Variants in TRAK2 observed in about 807,000 individuals in gnomAD.
TRAK2 encodes the protein trafficking kinesin-binding protein 2.
Under a neutral mutation model 104.6 loss-of-function variants are expected in TRAK2, and 81 were observed. The ratio of observed to expected loss-of-function variants is 0.77; its 90% CI spans 0.65 to 0.93. TRAK2 has a LOEUF of 0.93. TRAK2 is among the 40% of genes least tolerant of loss of function. The pLI is 0.00. For missense variants in TRAK2, 1,002 were observed against 1,089.0 expected, an observed-to-expected ratio of 0.92 and a Z score of 1.12; for synonymous variants, 406 against 394.4, an observed-to-expected ratio of 1.03 and a Z score of -0.35.
rs754014206 is a variant in TRAK2 at position 201,381,166 on chromosome 2, T to C, written c.2122A>G (p.Thr708Ala). 37 of 1,613,310 alleles carry C rather than the reference T, an allele frequency of 2.3e-5. No individual in the cohort carries two copies. Among genetic ancestry groups the C allele is most frequent in the Non-Finnish European group, 1.9e-5 (22 of 1,179,898 alleles). Residue 708 changes from threonine (T) to alanine (A), a missense_variant, in exon 16 of 16, where the codon ACG becomes GCG. Transcript: ENST00000332624. ...CGSSGSSSSN[T>A]AVNSPALSYR... is the part of the protein sequence containing the mutation. ...GACAAGGCAGGAGAATTCACAGCCGTGTTGGATGAACTGCTACCGCTACTT... is the reference window on the plus strand; with the variant it reads ...GACAAGGCAGGAGAATTCACAGCCGCGTTGGATGAACTGCTACCGCTACTT...
chr2:201,429,020 T>C (rs894844267), intron 1 of TRAK2, among the ~76,000 whole-genome samples: 2 of 152,226 alleles, frequency 1.3e-5, no homozygotes, highest in Non-Finnish European at 2.9e-5. Flanking sequence ...ATTGATTTTG[T>C]ATCCTGAGAC....
At chr2:201,385,177 T>A (rs1477237531) in intron 14 of TRAK2, among the ~76,000 whole-genome samples, 1 of 152,218 alleles carries the variant, frequency 6.6e-6, no homozygotes. Flanking sequence ...GATATTAATA[T>A]GATTTTAATA....
intron 1 of TRAK2, among the ~76,000 whole-genome samples, chr2:201,424,106 G>A (rs1320186368): frequency 6.6e-6 from 1 of 152,086 alleles, no homozygotes; most frequent in East Asian, 1.9e-4. Flanking sequence ...TCACTATAAA[G>A]GAAATAGAAT....
Position 201,381,107 on chromosome 2 carries a change from G to A in TRAK2, c.2181C>T (p.Asn727=). ...TGAAGGTTGTAGTGGAATCTCGTCG[G>A]TTGGTGATGGACTCACCAATGCTGA... ...YRLSIGESIT[N]RRDSTTTFSS... Residue 727 remains asparagine (N), a synonymous_variant, in exon 16 of 16, where the codon AAC becomes AAT. Transcript: ENST00000332624. The A allele has an allele frequency of 1.2e-6, 2 of 1,614,046 alleles. No homozygotes were observed. The highest frequency in any genetic ancestry group is 1.7e-6 in the Non-Finnish European group (2 of 1,179,982).
intron 14 of TRAK2, 96 bp from the exon 15 acceptor site, chr2:201,384,312 A>G: frequency 1.1e-6 from 1 of 914,768 alleles, no homozygotes; most frequent in African/African-American, 1.7e-5. Context: ...AGCATTTATC[A>G]AGTACCTTTT....
chr2:201,397,940 T>C, intron 6 of TRAK2: 1 of 576,154 alleles, frequency 1.7e-6, no homozygotes, highest in Non-Finnish European at 3.1e-6. Context: ...ACTTTCACTA[T>C]TGTACTGTCA....
intron 2 of TRAK2, among the ~76,000 whole-genome samples, chr2:201,410,301 G>A (rs1167078727): frequency 4.0e-5 from 6 of 149,326 alleles, no homozygotes; most frequent in African/African-American, 7.4e-5. Context: ...GCAAGACTCC[G>A]TCTCAAAAAA....
intron 9 of TRAK2, among the ~76,000 whole-genome samples, chr2:201,393,475 T>C (rs1436065716): frequency 6.6e-6 from 1 of 152,172 alleles, no homozygotes; most frequent in African/African-American, 2.4e-5. Context: ...GTCAGTGTGC[T>C]CAATCCTCCT....
At chr2:201,389,771 T>G (rs746976030) in intron 11 of TRAK2, 30 bp downstream of exon 11, 1 of 1,545,598 alleles carries the variant, frequency 6.5e-7, no homozygotes, top group South Asian at 1.2e-5. Context: ...TTCCAATGAT[T>G]GAGTAACAAC....
rs1365619943 is a variant in TRAK2 at position 201,378,370 on chromosome 2, A to G, written c.*2173T>C. The G allele has an allele frequency of 6.6e-6, 1 of 152,230 alleles. No individual in the cohort carries two copies. Among genetic ancestry groups the G allele is most frequent in the Non-Finnish European group, 1.5e-5 (1 of 68,038 alleles). 9.4% of individuals were successfully genotyped at this position (152,230 alleles called of 1,614,324 possible). A position where few individuals can be genotyped will look rare whatever the true frequency, so the allele number is the denominator to read the frequency against. ...AGATCTAGTTCAATTTATAGCTTTA[A>G]GTAATACACATAAATCGGACAATTT... On this transcript the variant is annotated 3_prime_UTR_variant, in exon 16 of 16. Coordinates refer to ENST00000332624, the MANE Select transcript of TRAK2 (RefSeq NM_015049.3).
intron 14 of TRAK2, among the ~76,000 whole-genome samples, chr2:201,384,804 T>C (rs1195160766): frequency 1.3e-5 from 2 of 152,198 alleles, no homozygotes; most frequent in Admixed American, 1.3e-4. Context: ...AAATTATCTA[T>C]TAAATTTTGG....
In TRAK2 at chr2:201,447,635, G is replaced by A. The variant is rs992994997; in HGVS notation, c.-200+3715C>T. Among the ~76,000 whole-genome samples the A allele has an allele frequency of 6.6e-6, 1 of 151,968 alleles. No homozygotes were observed. Among genetic ancestry groups the A allele is most frequent in the Non-Finnish European group, 1.5e-5 (1 of 67,998 alleles). ...TTGTGCTCAAATTTCCTTCTTATAA[G>A]GAAAACTGTCAGACTGGATTAGAAC... On this transcript the variant is annotated intron_variant, in intron 1 of 15. Coordinates refer to ENST00000332624, the MANE Select transcript of TRAK2 (RefSeq NM_015049.3). This position sits in a 1 kb window ranked among gnomAD's most constrained non-coding sequence, Gnocchi z 4.1.
intron 12 of TRAK2, 75 bp downstream of exon 12, chr2:201,389,225 T>G: frequency 7.3e-7 from 1 of 1,375,738 alleles, no homozygotes; most frequent in South Asian, 1.2e-5. Context: ...AGAGTAATGC[T>G]GGAATGTGCG....
rs13421231 is a variant in TRAK2 at position 201,445,391 on chromosome 2, C to G, written c.-200+5959G>C. Among the ~76,000 whole-genome samples, 1,303 of 152,282 alleles carry G rather than the reference C, an allele frequency of 8.6e-3. 26 individuals carry two copies. Among genetic ancestry groups the G allele is most frequent in the African/African-American group, 0.03 (1,250 of 41,548 alleles). ...AAAGATAAATAGTAGTATACAACAG[C>G]CTCTGCCCAAAGGGAGGTTAAAGAT... On this transcript the variant is annotated intron_variant, in intron 1 of 15. Transcript: ENST00000332624.
In TRAK2 at chr2:201,387,921, C is replaced by A. The variant is rs765264094; in HGVS notation, c.1478G>T (p.Arg493Leu). 3.7e-6 allele frequency: 6 copies of A among 1,614,096 alleles called. No individual in the cohort carries two copies. Among genetic ancestry groups the A allele is most frequent in the Non-Finnish European group, 5.1e-6 (6 of 1,180,008 alleles). Residue 493 changes from arginine (R) to leucine (L), a missense_variant, in exon 13 of 16, where the codon CGA becomes CTA. Coordinates refer to ENST00000332624, the MANE Select transcript of TRAK2 (RefSeq NM_015049.3). ...CTGCTTCTCACTTAAATAGTTTTGT[C>A]GACGCAAGCTAAGGCGATGCAGTGC... is the stretch of plus-strand genomic sequence containing the variant. ...ATALHRLSLR[R>L]QNYLSEKQFF...
chr2:201,387,912 T>C lies in TRAK2; in HGVS notation c.1487A>G (p.Tyr496Cys), dbSNP rs772679235. The change falls in exon 13 of 16, where the codon TAT becomes TGT. Residue 496 changes from tyrosine (Y) to cysteine (C), a missense_variant. Physicochemically the swap from Tyr to Cys is radical, Grantham distance 194 (BLOSUM62 -2). Transcript: ENST00000332624. ...LHRLSLRRQNYLSEKQFFAEE... is the reference protein window; with the variant it reads ...LHRLSLRRQNCLSEKQFFAEE... ...AGCAAAGAACTGCTTCTCACTTAAA[T>C]AGTTTTGTCGACGCAAGCTAAGGCG... The C allele has an allele frequency of 1.9e-6, 3 of 1,614,046 alleles. No homozygotes were observed. Among genetic ancestry groups the C allele is most frequent in the Non-Finnish European group, 2.5e-6 (3 of 1,180,026 alleles).
chr2:201,386,095 A>G (rs1456311813), intron 14 of TRAK2, 123 bp downstream of exon 14: 1 of 1,042,646 alleles, frequency 9.6e-7, no homozygotes, highest in African/African-American at 1.6e-5. Context: ...ATAGATTTTC[A>G]TTATCTGATA....
At chr2:201,424,004 A>T (rs1400020676) in intron 1 of TRAK2, among the ~76,000 whole-genome samples, 2 of 152,246 alleles carry the variant, frequency 1.3e-5, no homozygotes, top group East Asian at 3.8e-4. Context: ...GTTGTCAAAA[A>T]TTCATTTTTC....
chr2:201,397,181 A>C (rs929547668), intron 7 of TRAK2, among the ~76,000 whole-genome samples: 1 of 152,216 alleles, frequency 6.6e-6, no homozygotes, highest in African/African-American at 2.4e-5. Context: ...TGACTTTGGC[A>C]TATCATCTTC....
Sources: allele counts gnomAD v4.1 joint callset (sites outside exome capture counted in the v4.1 genomes callset), GRCh38; gene constraint gnomAD v4.1.1; non-coding constraint Gnocchi (gnomAD v3.1); transcripts MANE v1.5; gene names NCBI Gene and HGNC (gene_info 2026-07-23, HGNC 2026-07-21).